Variants in SERPINB12 observed in about 807,000 individuals in gnomAD.
SERPINB12 encodes the protein serpin B12.
SERPINB12 carries 57 observed loss-of-function variants against 41.1 expected under a neutral mutation model. The observed-to-expected ratio is 1.39, with a 90% CI of 1.12 to 1.73. The LOEUF is 1.73. Among genes scored for constraint, SERPINB12 ranks in the 40% most tolerant of loss-of-function variants. The pLI is 0.00. For missense variants in SERPINB12, 536 were observed against 501.9 expected (o/e 1.07, Z -0.65); for synonymous variants, 180 against 181.3 (o/e 0.99, Z 0.06).
rs746304051 is a variant in SERPINB12 at position 63,566,689 on chromosome 18, T to TC, written c.961dup (p.Arg321ProfsTer9). The TC allele has an allele frequency of 1.1e-5, 17 of 1,613,852 alleles. No homozygotes were observed. In the Admixed American group the frequency reaches 2.8e-4, roughly 27 times the overall value. ...TCAGAAGAATCGGTGGTCCTGTCCT[T>TC]CCCCCGGTTCACCCTGGAAGACAGC... On this transcript the variant is annotated frameshift_variant, in exon 8 of 8. Coordinates refer to ENST00000382768, the MANE Select transcript of SERPINB12 (RefSeq NM_001307928.2). LOFTEE classifies it high-confidence loss of function.
the SERPINB12 span, among the ~76,000 whole-genome samples, chr18:63,534,365 T>G: frequency 6.6e-6 from 1 of 152,130 alleles, no homozygotes; most frequent in Admixed American, 6.5e-5. Flanking sequence ...GTTACTAAAG[T>G]TAAAGGGCCC....
At position 63,564,133 on chromosome 18, in the gene SERPINB12, A is replaced by G; in HGVS notation, c.705+13A>G. On this transcript the variant is annotated intron_variant, in intron 6 of 7. Transcript: ENST00000382768. ...CTGTCTAAATGCGGTAGTGTATCAGAACTCATGGTTTTCTAGCTAGCCAAC... is the reference window on the plus strand; with the variant it reads ...CTGTCTAAATGCGGTAGTGTATCAGGACTCATGGTTTTCTAGCTAGCCAAC... 1 of 1,602,274 alleles carries G rather than the reference A, an allele frequency of 6.2e-7. No individual in the cohort carries two copies. The highest frequency in any genetic ancestry group is 8.5e-7 in the Non-Finnish European group (1 of 1,174,724).
At chr18:63,541,575 C>T (rs112454790), upstream of SERPINB12, among the ~76,000 whole-genome samples, 33 of 152,044 alleles carry the variant, frequency 2.2e-4, no homozygotes, top group Non-Finnish European at 4.3e-4. Context: ...ATATGAACCA[C>T]GTTTTGAAAA....
chr18:63,564,164 A>T (rs1414072756), intron 6 of SERPINB12, 44 bp downstream of exon 6: 5 of 1,583,236 alleles, frequency 3.2e-6, no homozygotes, highest in Non-Finnish European at 4.3e-6. Context: ...CCAACTCATA[A>T]TTTCCACTAG....
At position 63,564,094 on chromosome 18, in the gene SERPINB12, G is replaced by A. The variant is rs1258206521; in HGVS notation, c.679G>A (p.Val227Met). Residue 227 changes from valine to methionine, a missense_variant, in exon 6 of 8, where the codon GTG becomes ATG. Transcript: ENST00000382768. ...AACATACTTTGACCATGAAAACACG[G>A]TGGATGCACCTTTCTGTCTAAATGC... ...WETYFDHENT[V>M]DAPFCLNANE... The A allele has an allele frequency of 1.9e-6, 3 of 1,613,824 alleles. No individual in the cohort carries two copies. In the South Asian group the frequency reaches 3.3e-5, roughly 18 times the overall value.
At chr18:63,524,335 G>T in the SERPINB12 span, among the ~76,000 whole-genome samples, 3 of 152,046 alleles carry the variant, frequency 2.0e-5, no homozygotes, top group Non-Finnish European at 4.4e-5. Context: ...TGTTGCCCAG[G>T]CTGGAGTGCA....
the SERPINB12 span, among the ~76,000 whole-genome samples, chr18:63,536,669 A>G: frequency 6.6e-6 from 1 of 152,170 alleles, no homozygotes; most frequent in African/African-American, 2.4e-5. Context: ...TAGATTGGAC[A>G]GAACGATGAT....
At chr18:63,546,311 G>A (rs933605810) in intron 1 of SERPINB12, among the ~76,000 whole-genome samples, 1 of 152,134 alleles carries the variant, frequency 6.6e-6, no homozygotes, top group Non-Finnish European at 1.5e-5. Context: ...CCTATCCACT[G>A]ACCCTCATGT....
Position 63,558,342 on chromosome 18 carries a change from TA to T in SERPINB12, c.169-9del, listed in dbSNP as rs1226688778. 37 of 1,607,732 alleles carry T rather than the reference TA, an allele frequency of 2.3e-5. No individual in the cohort carries two copies. Among genetic ancestry groups the T allele is most frequent in the Non-Finnish European group, 3.1e-5 (36 of 1,178,272 alleles). On this transcript the variant is annotated splice_polypyrimidine_tract_variant and intron_variant, in intron 2 of 7. Transcript: ENST00000382768. The stretch of plus-strand genomic sequence containing the variant: ...TATTATCTGAAAGACCCCATCCCGT[TA>T]TCATGCAGGTACTACACTTCAACGA...
At chr18:63,519,551 C>T in the SERPINB12 span, among the ~76,000 whole-genome samples, 3 of 152,104 alleles carry the variant, frequency 2.0e-5, no homozygotes, top group African/African-American at 4.8e-5. Context: ...TCTGATATAC[C>T]AATGGACTGC....
At position 63,566,675 on chromosome 18, in the gene SERPINB12, G is replaced by A. The variant is rs201900217; in HGVS notation, c.942G>A (p.Ser314=). 6.3e-5 allele frequency: 101 copies of A among 1,614,056 alleles called. No individual in the cohort carries two copies. In the African/African-American group the frequency reaches 8.1e-4, roughly 13 times the overall value. ...WSSSENMSEE[S]VVLSFPRFTL... is the part of the protein sequence containing the mutation. ...GCTCAGAAAACATGTCAGAAGAATC[G>A]GTGGTCCTGTCCTTCCCCCGGTTCA... The change falls in exon 8 of 8, where the codon TCG becomes TCA. Residue 314 remains serine, a synonymous_variant. Coordinates refer to ENST00000382768, the MANE Select transcript of SERPINB12 (RefSeq NM_001307928.2).
At chr18:63,544,047 A>G (rs534830965) in intron 1 of SERPINB12, among the ~76,000 whole-genome samples, 102 of 152,356 alleles carry the variant, frequency 6.7e-4, no homozygotes, top group Non-Finnish European at 1.2e-3. Context: ...GTATTTCATC[A>G]TTTAAAGCAG....
At chr18:63,528,114 A>C in the SERPINB12 span, among the ~76,000 whole-genome samples, 2 of 152,070 alleles carry the variant, frequency 1.3e-5, no homozygotes, top group Non-Finnish European at 2.9e-5. Flanking sequence ...CTTTTTCTTT[A>C]TAAATTACCC....
upstream of SERPINB12, among the ~76,000 whole-genome samples, chr18:63,539,371 A>C (rs1434273828): frequency 2.0e-5 from 3 of 152,176 alleles, no homozygotes; most frequent in Non-Finnish European, 4.4e-5. Flanking sequence ...AGCAAAATGC[A>C]CAAAATTTCC....
At chr18:63,564,448 C>T (rs1911025379) in intron 6 of SERPINB12, among the ~76,000 whole-genome samples, 1 of 152,158 alleles carries the variant, frequency 6.6e-6, no homozygotes, top group East Asian at 1.9e-4. Flanking sequence ...TGAGTGTTTG[C>T]CCCAGAAACT....
Position 63,559,564 on chromosome 18 carries a change from T to A in SERPINB12, c.304-14T>A. 6.2e-7 allele frequency: 1 copy of A among 1,613,558 alleles called. No homozygotes were observed. The highest frequency in any genetic ancestry group is 8.5e-7 in the Non-Finnish European group (1 of 1,179,718). On this transcript the variant is annotated splice_polypyrimidine_tract_variant and intron_variant, in intron 3 of 7. Coordinates refer to ENST00000382768, the MANE Select transcript of SERPINB12 (RefSeq NM_001307928.2). ...GACACAGTGAAGGTCACATTTTGTTTCTTCTTTCCTTAGGCTGGGTCCTTA... is the reference window on the plus strand; with the variant it reads ...GACACAGTGAAGGTCACATTTTGTTACTTCTTTCCTTAGGCTGGGTCCTTA...
chr18:63,550,412 C>T (rs1910494372), intron 1 of SERPINB12, among the ~76,000 whole-genome samples: 1 of 152,148 alleles, frequency 6.6e-6, no homozygotes, highest in Admixed American at 6.5e-5. Context: ...TTTCCATATA[C>T]AGTACTCTTA....
At chr18:63,535,660 G>A in the SERPINB12 span, among the ~76,000 whole-genome samples, 5 of 152,152 alleles carry the variant, frequency 3.3e-5, no homozygotes, top group African/African-American at 4.8e-5. Flanking sequence ...TGGGATAACT[G>A]GTGACATTGG....
rs1299098973 is a variant in SERPINB12 at position 63,567,424 on chromosome 18, T to C, written c.*413T>C. Among the ~76,000 whole-genome samples, 1 of 152,036 alleles carries C rather than the reference T, an allele frequency of 6.6e-6. No individual in the cohort carries two copies. Among genetic ancestry groups the C allele is most frequent in the East Asian group, 1.9e-4 (1 of 5,192 alleles). ...GTGTTTGGAAACTCAGCTCTGTTTC[T>C]GGGGTAGTTTGACCGGAACGTGTTT... On this transcript the variant is annotated 3_prime_UTR_variant, in exon 8 of 8. Coordinates refer to ENST00000382768, the MANE Select transcript of SERPINB12 (RefSeq NM_001307928.2).
Sources: allele counts gnomAD v4.1 joint callset (sites outside exome capture counted in the v4.1 genomes callset), GRCh38; gene constraint gnomAD v4.1.1; transcripts MANE v1.5; gene names NCBI Gene and HGNC (gene_info 2026-07-23, HGNC 2026-07-21).